CASP8: variants seen among roughly 807,000 people sequenced by gnomAD.
The protein encoded by CASP8 is caspase 8.
In CASP8, 24 loss-of-function variants were observed where a neutral mutation model predicts 46.3. The observed-to-expected ratio is 0.52, with a 90% CI of 0.38 to 0.73. The LOEUF (loss-of-function observed/expected upper bound fraction) is 0.73, where lower values mean the gene tolerates loss of function less well. CASP8 is among the 30% of genes least tolerant of loss of function. The pLI, the probability that CASP8 is intolerant of heterozygous loss-of-function variation, is 0.00. For synonymous variants in CASP8, 188 were observed against 200.4 expected, an observed-to-expected ratio of 0.94 and a Z score of 0.52; for missense variants, 460 against 559.0, an observed-to-expected ratio of 0.82 and a Z score of 1.79.
At chr2:201,259,008 G>A (rs1947200226), upstream of CASP8, among the ~76,000 whole-genome samples, 1 of 150,176 alleles carries the variant, frequency 6.7e-6, no homozygotes. Flanking sequence ...TAATTCCTCT[G>A]TGCCTCTGTT....
chr2:201,280,211 A>AGAT (rs1251159524), intron 7 of CASP8, among the ~76,000 whole-genome samples: 1 of 152,186 alleles, frequency 6.6e-6, no homozygotes, highest in African/African-American at 2.4e-5. Flanking sequence ...ATAAAGTAGA[A>AGAT]GATAAAGTCT....
At chr2:201,240,792 C>T (rs1294967023) in intron 2 of CASP8, 1 of 152,142 alleles carries the variant, frequency 6.6e-6, no homozygotes, top group African/African-American at 2.4e-5. Flanking sequence ...CAAAACAAGT[C>T]TTTGCAAATT....
At position 201,239,418 on chromosome 2, in the gene CASP8, G is replaced by A. The variant is rs191988178; in HGVS notation, c.-27+5306G>A. Among the ~76,000 whole-genome samples the A allele has an allele frequency of 1.5e-3, 222 of 152,246 alleles. 1 individual carries two copies. The Middle Eastern group carries it at 0.034, about 23-fold the overall frequency. On this transcript the variant is annotated intron_variant, in intron 2 of 6. Coordinates refer to the CASP8 transcript ENST00000264274. ...GGGGCTGACCCCCCACCTCCCTCCC[G>A]GACGGGGCGGCTTCCTTACTTTTTA...
intron 2 of CASP8, among the ~76,000 whole-genome samples, chr2:201,236,896 G>A (rs1946072627): frequency 6.6e-6 from 1 of 151,830 alleles, no homozygotes; most frequent in South Asian, 2.1e-4. Context: ...GTGGGCCACT[G>A]TGCCTGGCCA....
At position 201,239,134 on chromosome 2, in the gene CASP8, T is replaced by G. The variant is rs368132837; in HGVS notation, c.-27+5022T>G. Reference sequence around the variant, plus strand: ...CAAGGCAGAAGAATTTTTCTTAGTATAGAACAAAATGAAAAGTCTCCCATG... The same window carrying G: ...CAAGGCAGAAGAATTTTTCTTAGTAGAGAACAAAATGAAAAGTCTCCCATG... On this transcript the variant is annotated intron_variant, in intron 2 of 6. Coordinates refer to the CASP8 transcript ENST00000264274. Among the ~76,000 whole-genome samples, 7 of 152,364 alleles carry G rather than the reference T, an allele frequency of 4.6e-5. No individual in the cohort carries two copies. In the East Asian group the frequency reaches 1.3e-3, roughly 29 times the overall value.
rs1383834622 is a variant in CASP8, at chr2:201,266,766, G to C, written c.280G>C (p.Gly94Arg). 2 of 1,613,186 alleles carry C rather than the reference G, an allele frequency of 1.2e-6. No individual in the cohort carries two copies. The highest frequency in any genetic ancestry group is 1.7e-6 in the Non-Finnish European group (2 of 1,179,346). ...GATGGAAAGGGAACTTCAGACACCA[G>C]GCAGGGCTCAAATTTCTGCCTACAG... Reference protein sequence around the residue: ...EEMERELQTPGRAQISAYRVM... With the variant: ...EEMERELQTPRRAQISAYRVM... The change falls in exon 2 of 9, where the codon GGC becomes CGC. Residue 94 changes from glycine to arginine, a missense_variant. By Grantham distance (125) the Gly-to-Arg change is moderately radical (BLOSUM62 -2). Transcript: ENST00000673742. This position sits in a 1 kb window ranked among gnomAD's most constrained non-coding sequence, Gnocchi z 5.7.
chr2:201,238,205 G>C (rs1271487815), intron 2 of CASP8, among the ~76,000 whole-genome samples: 1 of 152,172 alleles, frequency 6.6e-6, no homozygotes, highest in Non-Finnish European at 1.5e-5. Flanking sequence ...AGGAAACTAA[G>C]GCTGAGCTGA....
intron 7 of CASP8, among the ~76,000 whole-genome samples, chr2:201,279,499 T>C (rs1312211284): frequency 6.6e-6 from 1 of 152,234 alleles, no homozygotes; most frequent in Non-Finnish European, 1.5e-5. Context: ...GGAGGTTTCC[T>C]AATGAAATGA....
At chr2:201,281,858 G>A (rs1949042419) in intron 7 of CASP8, 2 of 1,474,648 alleles carry the variant, frequency 1.4e-6, no homozygotes, top group Admixed American at 2.1e-5. Flanking sequence ...TTAGCTGGTG[G>A]CAATAAATAT....
At chr2:201,253,852 T>G (rs1409134517) in intron 2 of CASP8, among the ~76,000 whole-genome samples, 1 of 151,908 alleles carries the variant, frequency 6.6e-6, no homozygotes, top group Non-Finnish European at 1.5e-5. Context: ...GAAGCCGAGG[T>G]GGGTCGATCA....
At chr2:201,258,046 G>GTTCT (rs1235213670), upstream of CASP8, 1 of 658,596 alleles carries the variant, frequency 1.5e-6, no homozygotes, top group African/African-American at 1.8e-5. Flanking sequence ...AGTCATCTCT[G>GTTCT]TTCTGCTTTA....
intron 1 of CASP8, among the ~76,000 whole-genome samples, chr2:201,261,378 C>G (rs1305025338): frequency 2.5e-5 from 3 of 118,924 alleles, no homozygotes; most frequent in Non-Finnish European, 4.9e-5. Flanking sequence ...GCAACAAGAG[C>G]GAAACTCCGT....
At chr2:201,246,486 T>G (rs987251317) in intron 2 of CASP8, among the ~76,000 whole-genome samples, 3 of 152,046 alleles carry the variant, frequency 2.0e-5, no homozygotes, top group Admixed American at 6.5e-5. Flanking sequence ...AGATGAGAAC[T>G]TGAGTGAAAA....
chr2:201,263,632 C>T (rs116363908), intron 1 of CASP8, among the ~76,000 whole-genome samples: 252 of 152,144 alleles, frequency 1.7e-3, no homozygotes, highest in African/African-American at 5.8e-3. Context: ...GCATTGTTAT[C>T]CTCAGAAAAA....
chr2:201,256,313 A>C (rs2125031720), upstream of CASP8, among the ~76,000 whole-genome samples: 1 of 152,342 alleles, frequency 6.6e-6, no homozygotes, highest in Non-Finnish European at 1.5e-5. Flanking sequence ...GAGCGTGGCC[A>C]AGTCTTTCAG....
Position 201,246,024 on chromosome 2 carries a change from T to C in CASP8, c.-27+11912T>C, listed in dbSNP as rs904533395. 5.9e-5 allele frequency among the ~76,000 whole-genome samples: 9 copies of C among 152,210 alleles called. No homozygotes were observed. In the East Asian group the frequency reaches 1.4e-3, roughly 23 times the overall value. On this transcript the variant is annotated intron_variant, in intron 2 of 6. Transcript: ENST00000264274. ...CTGGGATTACAGGCATGTGCCACCA[T>C]GCCCGGCTAATTTTGTATTTTTAGT...
intron 2 of CASP8, among the ~76,000 whole-genome samples, chr2:201,246,198 C>G (rs1946512136): frequency 6.6e-6 from 1 of 152,158 alleles, no homozygotes; most frequent in African/African-American, 2.4e-5. Flanking sequence ...GTTGGTGGTT[C>G]TGGATTGCAG....
intron 2 of CASP8, chr2:201,240,661 A>G (rs1033526533): frequency 2.6e-5 from 4 of 152,218 alleles, no homozygotes; most frequent in East Asian, 3.8e-4. Flanking sequence ...GACTTAAACA[A>G]CATTATAGAC....
At chr2:201,280,311 A>G (rs895899324) in intron 7 of CASP8, among the ~76,000 whole-genome samples, 1 of 152,200 alleles carries the variant, frequency 6.6e-6, no homozygotes, top group African/African-American at 2.4e-5. Flanking sequence ...ATTTTTGACA[A>G]TAAGAGTTCC....
Sources: gnomAD v4.1 joint callset for allele counts (sites outside exome capture counted in the v4.1 genomes callset) on GRCh38, gnomAD v4.1.1 for gene constraint, Gnocchi (gnomAD v3.1) non-coding constraint, MANE v1.5 for transcripts, NCBI Gene and HGNC (gene_info 2026-07-23, HGNC 2026-07-21) for gene names.